MYH3: variants seen among roughly 807,000 people sequenced by gnomAD.
MYH3 encodes myosin-3.
In MYH3, 130 loss-of-function variants were observed where a neutral mutation model predicts 238.0. That is an observed-to-expected ratio of 0.55 (90% CI 0.47 to 0.63). The LOEUF (loss-of-function observed/expected upper bound fraction) is 0.63. Ranked by LOEUF, MYH3 falls within the 30% of genes least tolerant of loss-of-function variation. The pLI, the probability that MYH3 is intolerant of heterozygous loss-of-function variation, is 0.00. For missense variants in MYH3, 1,853 were observed against 2,374.9 expected (o/e 0.78, Z 4.57); for synonymous variants, 880 against 924.1 (o/e 0.95, Z 0.86).
the MYH3 span, chr17:10,674,929 A>G: frequency 0.12 from 18,464 of 152,238 alleles, 1,319 homozygotes; most frequent in East Asian, 0.28. Context: ...GAGCATCATC[A>G]GAGTGGTCCG....
Position 10,633,611 on chromosome 17 carries a change from G to C in MYH3, c.4627C>G (p.Leu1543Val), listed in dbSNP as rs770275791. The change falls in exon 33 of 41, where the codon CTG becomes GTG. Residue 1543 changes from leucine (L) to valine (V), a missense_variant. By Grantham distance (32) the Leu-to-Val change is conservative. Transcript: ENST00000583535. Reference protein sequence around the residue: ...QIELEKADIQLALEEAEAALE... With the variant: ...QIELEKADIQVALEEAEAALE... Reference sequence around the variant, plus strand: ...CTCACCTCTGCTTCCTCGAGAGCCAGCTGGATATCAGCCTTTTCCAGCTCA... The same window carrying C: ...CTCACCTCTGCTTCCTCGAGAGCCACCTGGATATCAGCCTTTTCCAGCTCA... 1 of 1,613,594 alleles carries C rather than the reference G, an allele frequency of 6.2e-7. No individual in the cohort carries two copies. The highest frequency in any genetic ancestry group is 1.3e-5 in the African/African-American group (1 of 75,056).
chr17:10,635,002 A>G lies in MYH3; in HGVS notation c.4194T>C (p.Leu1398=). ...CCTCAACCTGTTCCTCGGAATCTTG[A>G]AGGCGCTGAGCAAGTTTTTTCCTTA... ...EEAKKKLAQR[L]QDSEEQVEAV... Residue 1398 remains leucine, a synonymous_variant, in exon 31 of 41, where the codon CTT becomes CTC. Transcript: ENST00000583535. 1.2e-6 allele frequency: 2 copies of G among 1,614,156 alleles called. No homozygotes were observed. The highest frequency in any genetic ancestry group is 1.7e-6 in the Non-Finnish European group (2 of 1,180,032).
chr17:10,662,460 G>T, the MYH3 span, among the ~76,000 whole-genome samples: 1 of 152,060 alleles, frequency 6.6e-6, no homozygotes, highest in African/African-American at 2.4e-5. Flanking sequence ...TTCTTTCTCT[G>T]TAGCTAAGTC....
Position 10,639,161 on chromosome 17 carries a change from T to A in MYH3, c.3131A>T (p.Lys1044Met), listed in dbSNP as rs111606465. 4 of 1,614,186 alleles carry A rather than the reference T, an allele frequency of 2.5e-6. No homozygotes were observed. Among genetic ancestry groups the A allele is most frequent in the African/African-American group, 2.7e-5 (2 of 75,064 alleles). The change falls in exon 25 of 41, where the codon AAG becomes ATG. Residue 1044 changes from lysine (K) to methionine (M), a missense_variant. This residue lies in a region of MYH3 where 1,044 missense variants were observed against 1,192.6 expected (regional missense o/e 0.88). Coordinates refer to ENST00000583535, the MANE Select transcript of MYH3 (RefSeq NM_002470.4). Reference sequence around the variant, plus strand: ...GTTCCTTTCCAGGTCTACTCGGAGCTTCTTTTCTTGTTCTAGGGAGCTTTC... The same window carrying A: ...GTTCCTTTCCAGGTCTACTCGGAGCATCTTTTCTTGTTCTAGGGAGCTTTC... ...DLESSLEQEK[K>M]LRVDLERNKR...
upstream of MYH3, among the ~76,000 whole-genome samples, chr17:10,659,735 C>T (rs2074466857): frequency 6.6e-6 from 1 of 152,202 alleles, no homozygotes; most frequent in Non-Finnish European, 1.5e-5. Flanking sequence ...AAAGAACACC[C>T]TGCTGAACCA....
At chr17:10,647,923 T>C (rs1194741459) in intron 8 of MYH3, among the ~76,000 whole-genome samples, 2 of 152,042 alleles carry the variant, frequency 1.3e-5, no homozygotes, top group African/African-American at 2.4e-5. Flanking sequence ...TTATTTCCTT[T>C]TATTTATCCC....
rs201681863 is a variant in MYH3 at position 10,632,107 on chromosome 17, TTTGTTTTTG to T, written c.4957-100_4957-92del. 3,524 of 1,398,776 alleles carry T rather than the reference TTTGTTTTTG, an allele frequency of 2.5e-3. 35 individuals carry two copies. Among genetic ancestry groups the T allele is most frequent in the South Asian group, 0.02 (1,639 of 81,552 alleles). 86.6% of individuals were successfully genotyped at this position (1,398,776 alleles called of 1,614,324 possible). Reference sequence around the variant, plus strand: ...TCTCTGAGTTTTGTTTGTTTGTTTGTTTGTTTTTGTTTTGTTTTGTTTTGTTTGTTTTGA... The same window carrying T: ...TCTCTGAGTTTTGTTTGTTTGTTTGTTTTTGTTTTGTTTTGTTTGTTTTGA... On this transcript the variant is annotated intron_variant, in intron 34 of 40. Transcript: ENST00000583535.
chr17:10,635,605 G>T (rs773297095), intron 29 of MYH3, 42 bp from the exon 30 acceptor site: 1 of 1,614,116 alleles, frequency 6.2e-7, no homozygotes, highest in Non-Finnish European at 8.5e-7. Context: ...TATATTTAGT[G>T]CCAGGTGCAT....
the MYH3 span, among the ~76,000 whole-genome samples, chr17:10,671,083 G>A: frequency 5.3e-5 from 8 of 152,060 alleles, no homozygotes; most frequent in East Asian, 1.9e-4. Flanking sequence ...TAGTAGAGAC[G>A]GAGTTTCACC....
At chr17:10,638,690 A>G (rs2074241199) in intron 26 of MYH3, among the ~76,000 whole-genome samples, 183 bp downstream of exon 26, 1 of 152,206 alleles carries the variant, frequency 6.6e-6, no homozygotes. Flanking sequence ...TTATGGATTA[A>G]AGTATTTAAT....
rs1438613515 is a variant in MYH3 at position 10,632,685 on chromosome 17, C to T, written c.4747G>A (p.Glu1583Lys). ...TAGTTCCTCTTCAGCTGCTCGATCT[C>T]TTCATCCTTCTCGGCGATCTTTCTA... is the stretch of plus-strand genomic sequence containing the variant. ...IDRKIAEKDE[E>K]IEQLKRNYQR... The change falls in exon 34 of 41, where the codon GAG becomes AAG. Residue 1583 changes from glutamate to lysine, a missense_variant. Physicochemically the swap from Glu to Lys is moderately conservative, Grantham distance 56. Around this residue, in one of 3 missense-constraint regions of MYH3, gnomAD observed 1,044 missense variants for 1,192.6 expected, o/e 0.88. Transcript: ENST00000583535. 1.2e-6 allele frequency: 2 copies of T among 1,614,188 alleles called. No individual in the cohort carries two copies. The highest frequency in any genetic ancestry group is 2.2e-5 in the East Asian group (1 of 44,882).
At chr17:10,667,468 G>A in the MYH3 span, among the ~76,000 whole-genome samples, 1 of 152,094 alleles carries the variant, frequency 6.6e-6, no homozygotes, top group East Asian at 1.9e-4. Flanking sequence ...GATCACTTGA[G>A]GATAGGAGTT....
At chr17:10,647,468 G>A in intron 8 of MYH3, 42 bp from the exon 9 acceptor site, 1 of 1,595,154 alleles carries the variant, frequency 6.3e-7, no homozygotes, top group Non-Finnish European at 8.6e-7. Flanking sequence ...ATTCTACCAT[G>A]GCCCAATAGT....
the MYH3 span, among the ~76,000 whole-genome samples, chr17:10,668,851 T>C: frequency 2.0e-5 from 3 of 152,248 alleles, no homozygotes; most frequent in Non-Finnish European, 4.4e-5. Flanking sequence ...TTGTCATTTG[T>C]AGTTCTGTGA....
chr17:10,651,670 T>A lies in MYH3; in HGVS notation c.349-2A>T, dbSNP rs754355771. 6.2e-7 allele frequency: 1 copy of A among 1,613,968 alleles called. No homozygotes were observed. Among genetic ancestry groups the A allele is most frequent in the South Asian group, 1.1e-5 (1 of 91,072 alleles). ...GACACAGAAGAGGCCTGAGTAGGTC[T>A]GTGGGAGGAAAAACATATACGTGCG... is the stretch of plus-strand genomic sequence containing the variant. On this transcript the variant is annotated splice_acceptor_variant, in intron 4 of 40. Coordinates refer to ENST00000583535, the MANE Select transcript of MYH3 (RefSeq NM_002470.4). LOFTEE classifies it high-confidence loss of function.
rs761684970 is a variant in MYH3, at chr17:10,637,815, C to T, written c.3850G>A (p.Glu1284Lys). ...LTTQKSRLQT[E>K]AGELSRQLEE... ...TTTTCTGCACGTGGCTTACCAGCCT[C>T]GGTCTGCAAACGAGACTTCTGTGTG... The change falls in exon 28 of 41, where the codon GAG becomes AAG. Residue 1284 changes from glutamate to lysine, a missense_variant. Around this residue, in one of 3 missense-constraint regions of MYH3, gnomAD observed 1,044 missense variants for 1,192.6 expected, o/e 0.88. Coordinates refer to ENST00000583535, the MANE Select transcript of MYH3 (RefSeq NM_002470.4). 2.2e-5 allele frequency: 36 copies of T among 1,613,994 alleles called. No individual in the cohort carries two copies. The highest frequency in any genetic ancestry group is 1.5e-4 in the Admixed American group (9 of 60,004).
chr17:10,645,735 C>T lies in MYH3; in HGVS notation c.1113G>A (p.Glu371=). 1 of 1,613,426 alleles carries T rather than the reference C, an allele frequency of 6.2e-7. No homozygotes were observed. The highest frequency in any genetic ancestry group is 8.5e-7 in the Non-Finnish European group (1 of 1,180,018). The change falls in exon 12 of 41, where the codon GAG becomes GAA. Residue 371 remains glutamate (E), a synonymous_variant. Transcript: ENST00000583535. ...GNMKFKQKQR[E]EQAEPDGTEV... ...CTGTGCCATCCGGCTCGGCCTGCTC[C>T]TCTCGCTGCTTCTGCTTGAACTTCA...
At chr17:10,675,032 A>T in the MYH3 span, 1 of 152,266 alleles carries the variant, frequency 6.6e-6, no homozygotes, top group Non-Finnish European at 1.5e-5. Context: ...CCTCAGTGTC[A>T]GGGTCCCAGG....
chr17:10,630,125 C>A lies in MYH3; in HGVS notation c.5529G>T (p.Lys1843Asn). Residue 1843 changes from lysine (K) to asparagine (N), a missense_variant, in exon 38 of 41, where the codon AAG (lysine) becomes AAT (asparagine). Transcript: ENST00000583535. The part of the protein sequence containing the change: ...KNTESVKGLR[K>N]YERRVKELTY... ...TCAGCTCCTTGACCCTCCGCTCATA[C>A]TTCCTCAGGCCCTTAACAGACTCTG... 6.2e-7 allele frequency: 1 copy of A among 1,614,232 alleles called. No homozygotes were observed. Among genetic ancestry groups the A allele is most frequent in the Non-Finnish European group, 8.5e-7 (1 of 1,180,046 alleles).
Sources: allele counts gnomAD v4.1 joint callset (sites outside exome capture counted in the v4.1 genomes callset), GRCh38; gene constraint gnomAD v4.1.1; regional missense constraint gnomAD v4.1.1; transcripts MANE v1.5; gene names NCBI Gene and HGNC (gene_info 2026-07-23, HGNC 2026-07-21).